DMD: variants seen among roughly 807,000 people sequenced by gnomAD.
DMD encodes the protein dystrophin.
DMD carries 63 observed loss-of-function variants against 330.1 expected under a neutral mutation model. The ratio of observed to expected loss-of-function variants is 0.19; its 90% confidence interval spans 0.16 to 0.24. The LOEUF (loss-of-function observed/expected upper bound fraction) is 0.24, where lower values mean the gene tolerates loss of function less well. DMD is among the 10% of genes least tolerant of loss of function. The probability of loss-of-function intolerance (pLI) is 1.00; values close to 1 mark genes in which losing one functional copy is unlikely to be tolerated. For synonymous variants in DMD, 1,223 were observed against 959.8 expected (o/e 1.27, Z -5.07); for missense variants, 3,344 against 2,684.1 (o/e 1.25, Z -5.43).
intron 62 of DMD, among the ~76,000 whole-genome samples, chrX:31,312,355 A>G (rs1328448997): frequency 8.9e-6 from 1 of 112,561 alleles, no homozygotes; most frequent in African/African-American, 3.2e-5. Flanking sequence ...CATATGAAAA[A>G]AAGCTCAACA....
At chrX:31,836,614 G>A (rs1412493597) in intron 49 of DMD, 104 bp downstream of exon 49, 3 of 685,087 alleles carry the variant, frequency 4.4e-6, no homozygotes, top group Non-Finnish European at 7.1e-6. Flanking sequence ...TTCCTTACAA[G>A]TTATTTCACT....
chrX:32,637,679 G>A (rs1004093081), intron 11 of DMD, among the ~76,000 whole-genome samples: 38 of 111,357 alleles, frequency 3.4e-4, no homozygotes, highest in African/African-American at 1.1e-3. Flanking sequence ...GATGGAAGGG[G>A]AAGCAAACAT....
At chrX:33,269,929 G>A (rs1240741078) in intron 1 of DMD, among the ~76,000 whole-genome samples, 1 of 109,274 alleles carries the variant, frequency 9.2e-6, no homozygotes, top group Non-Finnish European at 1.9e-5. Context: ...AAAATAAAAG[G>A]TCATAATAAA....
intron 19 of DMD, among the ~76,000 whole-genome samples, chrX:32,492,790 C>T (rs188573527): frequency 1.8e-5 from 2 of 111,908 alleles, no homozygotes; most frequent in East Asian, 5.6e-4. Context: ...TTAAACATAG[C>T]TACATTAGCA....
chrX:31,846,904 T>C (rs1466093481), intron 48 of DMD, among the ~76,000 whole-genome samples: 4 of 112,041 alleles, frequency 3.6e-5, no homozygotes, highest in South Asian at 7.4e-4. Flanking sequence ...AAAATTGTTA[T>C]TGGCGAATAA....
intron 30 of DMD, among the ~76,000 whole-genome samples, chrX:32,392,129 T>C (rs774628661): frequency 3.6e-5 from 4 of 112,033 alleles, no homozygotes; most frequent in Non-Finnish European, 7.5e-5. Flanking sequence ...GTCCCTAGTT[T>C]GCAGAGTGGA....
chrX:32,231,154 C>T (rs1005160442), intron 43 of DMD, among the ~76,000 whole-genome samples: 2 of 112,026 alleles, frequency 1.8e-5, no homozygotes, highest in African/African-American at 6.5e-5. Flanking sequence ...GTCTTTGTTT[C>T]GTTCTCAACG....
intron 60 of DMD, among the ~76,000 whole-genome samples, chrX:31,432,930 G>C (rs1261344945): frequency 9.0e-6 from 1 of 111,670 alleles, no homozygotes; most frequent in Admixed American, 9.5e-5. Context: ...GACTCAAGGG[G>C]TACATGTGCA....
chrX:32,310,143 T>C lies in DMD; in HGVS notation c.6056A>G (p.Asn2019Ser), dbSNP rs761156889. The part of the protein sequence containing the change: ...QALLEVEQLL[N>S]APDLCAKDFE... ...GTCCTTAGCACAGAGGTCAGGAGCA[T>C]TGAGAAGTTGTTCCACTTCTAATAG... Residue 2019 changes from asparagine to serine, a missense_variant, in exon 42 of 79, where the codon AAT (asparagine) becomes AGT (serine). Asn to Ser is a conservative substitution (Grantham distance 46). Transcript: ENST00000357033. 3.3e-6 allele frequency: 4 copies of C among 1,209,287 alleles called. No homozygotes were observed. Among genetic ancestry groups the C allele is most frequent in the Admixed American group, 2.2e-5 (1 of 45,848 alleles).
intron 18 of DMD, among the ~76,000 whole-genome samples, chrX:32,507,863 T>C (rs376493031): frequency 9.0e-6 from 1 of 111,324 alleles, no homozygotes; most frequent in East Asian, 2.8e-4. Flanking sequence ...GATTAAATCG[T>C]ATATCAAAGG....
rs182076362 is a variant in DMD, at chrX:31,882,975, C to T, written c.6913-7602G>A. On this transcript the variant is annotated intron_variant, in intron 47 of 78. Transcript: ENST00000357033. ...TTATGACCTAGCCATTGTACTTCCACGTATATTAAAAATAAATATATACAT... is the reference window on the plus strand; with the variant it reads ...TTATGACCTAGCCATTGTACTTCCATGTATATTAAAAATAAATATATACAT... 7.2e-5 allele frequency among the ~76,000 whole-genome samples: 8 copies of T among 111,341 alleles called. No individual in the cohort carries two copies. In the East Asian group the frequency reaches 1.7e-3, roughly 24 times the overall value.
rs1389453120 is a variant in DMD, at chrX:33,048,660, C to A, written c.32-28460G>T. Among the ~76,000 whole-genome samples, 3 of 92,387 alleles carry A rather than the reference C, an allele frequency of 3.2e-5. No homozygotes were observed. In the East Asian group the frequency reaches 1.1e-3, roughly 33 times the overall value. The allele number at this position is 92,387 out of a possible 115,157, so 80.2% of individuals were successfully genotyped here. A position where few individuals can be genotyped will look rare whatever the true frequency, so the allele number is the denominator to read the frequency against. ...AGTGAGCCGAGATCATGCTACTGCA[C>A]TCCAGCCTGGCTGACAGAGCGAGAC... On this transcript the variant is annotated intron_variant, in intron 1 of 78. Coordinates refer to ENST00000357033, the MANE Select transcript of DMD (RefSeq NM_004006.3).
intron 44 of DMD, among the ~76,000 whole-genome samples, chrX:32,073,222 T>C (rs2096314740): frequency 8.9e-6 from 1 of 111,965 alleles, no homozygotes; most frequent in Non-Finnish European, 1.9e-5. Flanking sequence ...CCTCCTCTAA[T>C]TGGCAAAATG....
At chrX:31,143,943 T>C (rs1328657458) in intron 76 of DMD, among the ~76,000 whole-genome samples, 2 of 112,398 alleles carry the variant, frequency 1.8e-5, no homozygotes, top group African/African-American at 6.5e-5. Flanking sequence ...ACAGTTGTTT[T>C]TCATGTAGTG....
At chrX:32,829,252 T>C (rs2078982621) in intron 4 of DMD, among the ~76,000 whole-genome samples, 1 of 111,561 alleles carries the variant, frequency 9.0e-6, no homozygotes, top group African/African-American at 3.2e-5. Context: ...GTTAAATTCA[T>C]TTGTAAAGAA....
chrX:32,034,627 A>G (rs2095925506), intron 44 of DMD, among the ~76,000 whole-genome samples: 1 of 111,767 alleles, frequency 8.9e-6, no homozygotes, highest in African/African-American at 3.2e-5. Flanking sequence ...AAACATTGCT[A>G]ACATACTAAG....
At chrX:33,021,927 T>A (rs1020412957) in intron 1 of DMD, among the ~76,000 whole-genome samples, 1 of 111,398 alleles carries the variant, frequency 9.0e-6, no homozygotes, top group Admixed American at 9.6e-5. Context: ...CTCCTTCAAA[T>A]CTTTACTTTC....
At chrX:32,415,111 A>AT (rs1166966784) in intron 29 of DMD, among the ~76,000 whole-genome samples, 1 of 112,123 alleles carries the variant, frequency 8.9e-6, no homozygotes, top group African/African-American at 3.2e-5. Context: ...CTAGCCAGGT[A>AT]TTAAATTTGG....
chrX:32,580,522 T>A (rs2053545407), intron 13 of DMD, among the ~76,000 whole-genome samples: 1 of 111,860 alleles, frequency 8.9e-6, no homozygotes, highest in Non-Finnish European at 1.9e-5. Flanking sequence ...GACAGGTAAC[T>A]GCTAGGGTCA....
Sources: allele counts gnomAD v4.1 joint callset (sites outside exome capture counted in the v4.1 genomes callset), GRCh38; gene constraint gnomAD v4.1.1; transcripts MANE v1.5; gene names NCBI Gene and HGNC (gene_info 2026-07-23, HGNC 2026-07-21).